Variants in LONP1 observed in about 807,000 individuals in gnomAD.
LONP1 encodes lon protease homolog, mitochondrial.
LONP1 carries 31 observed loss-of-function variants against 98.5 expected under a neutral mutation model. The observed-to-expected ratio is 0.31, with a 90% CI of 0.24 to 0.42. LONP1 has a LOEUF of 0.42. Among genes scored for constraint, LONP1 ranks in the 20% least tolerant of loss-of-function variants. The probability of loss-of-function intolerance (pLI) is 1.00; values close to 1 mark genes in which losing one functional copy is unlikely to be tolerated. For missense variants in LONP1, 1,336 were observed against 1,350.6 expected (o/e 0.99, Z 0.17); for synonymous variants, 781 against 594.7 (o/e 1.31, Z -4.56).
chr19:5,702,104 C>A (rs933355788), intron 8 of LONP1, among the ~76,000 whole-genome samples: 2 of 149,750 alleles, frequency 1.3e-5, no homozygotes, highest in African/African-American at 2.5e-5. Context: ...CCCGGCCAGC[C>A]GCCCCGTCCG....
intron 12 of LONP1, 24 bp from the exon 13 acceptor site, chr19:5,696,194 G>A (rs2054924497): frequency 1.2e-6 from 2 of 1,612,812 alleles, no homozygotes; most frequent in East Asian, 4.5e-5. Flanking sequence ...CAAGGTGCTG[G>A]GGGACTGGCC....
intron 3 of LONP1, 182 bp from the exon 4 acceptor site, chr19:5,712,184 A>C (rs896689703): frequency 1.7e-6 from 1 of 580,872 alleles, no homozygotes; most frequent in Admixed American, 3.1e-5. Flanking sequence ...CCTCCCAACC[A>C]GTGTCCCCTC....
chr19:5,694,608 TGGTGGGGTGACGGGCACAGAAA>T (rs886341399), intron 14 of LONP1, 56 bp from the exon 15 acceptor site: 1 of 1,467,366 alleles, frequency 6.8e-7, no homozygotes, highest in Non-Finnish European at 9.3e-7. Context: ...AGGTGCGGGG[TGGTGGGGTGACGGGCACAGAAA>T]GGTGTGACGG....
chr19:5,702,134 G>A (rs2055060408), intron 8 of LONP1, among the ~76,000 whole-genome samples: 4 of 146,676 alleles, frequency 2.7e-5, no homozygotes, highest in East Asian at 2.1e-4. Flanking sequence ...GGGCGCCTCT[G>A]CCCGGCCGCC....
chr19:5,696,738 T>G lies in LONP1; in HGVS notation c.1705A>C (p.Met569Leu), dbSNP rs149349963. 6.3e-5 allele frequency: 102 copies of G among 1,613,264 alleles called. No homozygotes were observed. The highest frequency in any genetic ancestry group is 8.3e-5 in the Non-Finnish European group (98 of 1,179,898). Residue 569 changes from methionine to leucine, a missense_variant, in exon 11 of 18, where the codon ATG becomes CTG. By Grantham distance (15) the Met-to-Leu change is conservative (BLOSUM62 2). This residue lies in a region of LONP1 where 8 missense variants were observed against 24.9 expected (regional missense o/e 0.32). Transcript: ENST00000360614. ...KGHRRTYVGAMPGKIIQCLKK... is the reference protein window; with the variant it reads ...KGHRRTYVGALPGKIIQCLKK... ...AAACACTGGATGATCTTCCCGGGCA[T>G]GGCGCCCACGTAGGTCCGCCTGTGG...
At chr19:5,701,811 G>A (rs1337960106) in intron 8 of LONP1, among the ~76,000 whole-genome samples, 1 of 151,730 alleles carries the variant, frequency 6.6e-6, no homozygotes, top group Non-Finnish European at 1.5e-5. Flanking sequence ...GATGTGAGGA[G>A]CCCCTCTGCC....
intron 14 of LONP1, 45 bp from the exon 15 acceptor site, chr19:5,694,597 C>T (rs1225935990): frequency 6.5e-7 from 1 of 1,535,754 alleles, no homozygotes; most frequent in South Asian, 1.1e-5. Context: ...GGTGGGGTGA[C>T]AGGTGCGGGG....
At chr19:5,709,432 C>A (rs537848943) in intron 4 of LONP1, among the ~76,000 whole-genome samples, 1 of 151,682 alleles carries the variant, frequency 6.6e-6, no homozygotes, top group Admixed American at 6.6e-5. Context: ...ACCCAGGAGG[C>A]GGAGGTTGCC....
intron 3 of LONP1, 111 bp from the exon 4 acceptor site, chr19:5,712,113 T>C (rs1450567436): frequency 1.2e-6 from 1 of 855,160 alleles, no homozygotes; most frequent in Admixed American, 2.9e-5. Context: ...AGCCCAGACC[T>C]CTGGAGCCAC....
chr19:5,707,895 G>C (rs2055173559), intron 5 of LONP1, 69 bp from the exon 6 acceptor site: 1 of 1,576,988 alleles, frequency 6.3e-7, no homozygotes, highest in African/African-American at 1.3e-5. Context: ...CCCCCAAACG[G>C]GGACCCGGTC....
At chr19:5,699,693 G>A (rs12978313) in intron 9 of LONP1, among the ~76,000 whole-genome samples, 17,242 of 151,730 alleles carry the variant, frequency 0.11, 1,032 homozygotes, top group South Asian at 0.22. Context: ...GAGTAGCTGG[G>A]ATTACAGGTG....
intron 4 of LONP1, among the ~76,000 whole-genome samples, chr19:5,710,749 G>T (rs1330512757): frequency 6.6e-6 from 1 of 152,054 alleles, no homozygotes; most frequent in African/African-American, 2.4e-5. Flanking sequence ...CAGGTGGCCG[G>T]GCACAGTGGC....
Position 5,707,120 on chromosome 19 carries a change from G to A in LONP1, c.1086C>T (p.Ala362=). The A allele has an allele frequency of 3.7e-6, 6 of 1,613,238 alleles. No homozygotes were observed. The highest frequency in any genetic ancestry group is 5.1e-6 in the Non-Finnish European group (6 of 1,179,956). ...CAAATTCCTTCTTCAGCAGGGAGAGGGCCTTGTACAGCCGCTTAGGAATCT... is the reference window on the plus strand; with the variant it reads ...CAAATTCCTTCTTCAGCAGGGAGAGAGCCTTGTACAGCCGCTTAGGAATCT... ...ETNIPKRLYK[A]LSLLKKEFEL... is the part of the protein sequence containing the mutation. The change falls in exon 7 of 18, where the codon GCC becomes GCT. Residue 362 remains alanine (A), a synonymous_variant. Coordinates refer to ENST00000360614, the MANE Select transcript of LONP1 (RefSeq NM_004793.4).
At chr19:5,708,069 C>T in intron 5 of LONP1, 1 of 610,500 alleles carries the variant, frequency 1.6e-6, no homozygotes, top group East Asian at 2.8e-5. Context: ...AGTGACCTCA[C>T]CTCAGCAGTC....
chr19:5,705,231 C>T (rs976090494), intron 8 of LONP1, among the ~76,000 whole-genome samples: 9 of 151,486 alleles, frequency 5.9e-5, no homozygotes, highest in African/African-American at 1.5e-4. Flanking sequence ...TCAAGGCAGC[C>T]GGATCATTTG....
chr19:5,719,123 G>C (rs2055378600), intron 1 of LONP1, among the ~76,000 whole-genome samples: 1 of 152,158 alleles, frequency 6.6e-6, no homozygotes, highest in South Asian at 2.1e-4. Context: ...CTGGACTCCA[G>C]GTTTCCAACA....
At chr19:5,692,596 C>T (rs2054847222) in intron 17 of LONP1, among the ~76,000 whole-genome samples, 1 of 152,164 alleles carries the variant, frequency 6.6e-6, no homozygotes, top group Non-Finnish European at 1.5e-5. Context: ...GGCCCTGCGT[C>T]ACCCCCCTCA....
Position 5,708,416 on chromosome 19 carries a change from G to T in LONP1, c.871-13C>A, listed in dbSNP as rs756797351. ...CTGCAGTCAGGGCCTGCCAAGTATG[G>T]GGCAGGGTCGCTGGGGCCCAGCAGT... On this transcript the variant is annotated splice_polypyrimidine_tract_variant and intron_variant, in intron 4 of 17. Coordinates refer to ENST00000360614, the MANE Select transcript of LONP1 (RefSeq NM_004793.4). The T allele has an allele frequency of 6.2e-7, 1 of 1,608,004 alleles. No homozygotes were observed. The highest frequency in any genetic ancestry group is 1.1e-5 in the South Asian group (1 of 90,970).
intron 1 of LONP1, among the ~76,000 whole-genome samples, 167 bp downstream of exon 1, chr19:5,719,537 C>G (rs1055875852): frequency 3.3e-5 from 5 of 152,226 alleles, no homozygotes; most frequent in African/African-American, 1.2e-4. Context: ...GACTTTGGCT[C>G]AAGGTTCCCA....
Sources: gnomAD v4.1 joint callset for allele counts (sites outside exome capture counted in the v4.1 genomes callset) on GRCh38, gnomAD v4.1.1 for gene constraint, gnomAD v4.1.1 regional missense constraint, MANE v1.5 for transcripts, NCBI Gene and HGNC (gene_info 2026-07-23, HGNC 2026-07-21) for gene names.